Variants in ITSN1 observed in about 807,000 individuals in gnomAD.
ITSN1 encodes the protein intersectin 1, also known as intersectin-1.
ITSN1 carries 58 observed loss-of-function variants against 239.8 expected under a neutral mutation model. The observed-to-expected ratio is 0.24, with a 90% CI of 0.20 to 0.30. ITSN1 has a LOEUF of 0.30. Among genes scored for constraint, ITSN1 ranks in the 10% least tolerant of loss-of-function variants. ITSN1 has a pLI of 1.00. For synonymous variants in ITSN1, 780 were observed against 770.8 expected, an observed-to-expected ratio of 1.01 and a Z score of -0.20; for missense variants, 1,558 against 2,103.3, an observed-to-expected ratio of 0.74 and a Z score of 5.07.
At chr21:33,886,210 TAAAAAAA>T (rs559819556) in intron 38 of ITSN1, 70 bp from the exon 39 acceptor site, 3 of 1,001,264 alleles carry the variant, frequency 3.0e-6, no homozygotes, top group African/African-American at 1.9e-5. Flanking sequence ...AGAATCCATC[TAAAAAAA>T]AAAAAAAAAA....
intron 29 of ITSN1, among the ~76,000 whole-genome samples, chr21:33,851,403 T>G (rs1978310033): frequency 6.6e-6 from 1 of 152,064 alleles, no homozygotes; most frequent in South Asian, 2.1e-4. Context: ...TTTTCTTTTT[T>G]TTCTTTTTTT....
chr21:33,885,088 A>G lies in ITSN1; in HGVS notation c.4724A>G (p.Glu1575Gly). The change falls in exon 37 of 40, where the codon GAG becomes GGG. Residue 1575 changes from glutamate to glycine, a missense_variant. By Grantham distance (98) the Glu-to-Gly change is moderately conservative. This residue lies in a region of ITSN1 where 576 missense variants were observed against 893.3 expected (regional missense o/e 0.64). Coordinates refer to ENST00000381318, the MANE Select transcript of ITSN1 (RefSeq NM_003024.3). ...KIKAASELYI[E>G]TEKKKREKAY... ...AAAGCTGCTTCTGAACTCTACATAG[A>G]GACTGAGAAAAAGAAGCGCGAGAAA... 1 of 1,614,162 alleles carries G rather than the reference A, an allele frequency of 6.2e-7. No individual in the cohort carries two copies. The highest frequency in any genetic ancestry group is 8.5e-7 in the Non-Finnish European group (1 of 1,180,010).
At chr21:33,825,320 C>A (rs1184244269) in intron 25 of ITSN1, among the ~76,000 whole-genome samples, 1 of 151,664 alleles carries the variant, frequency 6.6e-6, no homozygotes, top group Admixed American at 6.6e-5. Flanking sequence ...CTATACTATT[C>A]AATAATAATG....
At chr21:33,846,631 C>T (rs1188725420) in intron 29 of ITSN1, among the ~76,000 whole-genome samples, 3 of 152,240 alleles carry the variant, frequency 2.0e-5, no homozygotes, top group Non-Finnish European at 4.4e-5. Flanking sequence ...TTGCCAGTTG[C>T]TCAGGAAGTG....
chr21:33,809,088 A>G (rs2072701308), intron 20 of ITSN1, among the ~76,000 whole-genome samples: 1 of 152,232 alleles, frequency 6.6e-6, no homozygotes, highest in Admixed American at 6.5e-5. Flanking sequence ...AATGGGGGAA[A>G]ATTTATCTTA....
intron 10 of ITSN1, among the ~76,000 whole-genome samples, 200 bp from the exon 11 acceptor site, chr21:33,767,513 A>G (rs549141175): frequency 6.6e-6 from 1 of 152,176 alleles, no homozygotes; most frequent in Admixed American, 6.5e-5. Flanking sequence ...TAAGCTTGGC[A>G]CTCAGAGTCT....
intron 20 of ITSN1, among the ~76,000 whole-genome samples, chr21:33,803,617 GAAATATATATATC>G (rs1569212510): frequency 6.6e-6 from 1 of 152,162 alleles, no homozygotes; most frequent in Non-Finnish European, 1.5e-5. Flanking sequence ...TAACAGTTTT[GAAATATATATATC>G]AAACTGTTAA....
At chr21:33,676,645 A>G (rs1051143131) in intron 1 of ITSN1, among the ~76,000 whole-genome samples, 1 of 152,244 alleles carries the variant, frequency 6.6e-6, no homozygotes, top group African/African-American at 2.4e-5. Context: ...ACATTTTTAA[A>G]TATTGAATTA....
intron 16 of ITSN1, among the ~76,000 whole-genome samples, chr21:33,783,250 A>G (rs2070352553): frequency 1.3e-5 from 2 of 152,186 alleles, no homozygotes; most frequent in Admixed American, 1.3e-4. Context: ...TAAAACTCCT[A>G]TTCTATAATT....
At chr21:33,869,100 A>G (rs1425555972) in intron 33 of ITSN1, among the ~76,000 whole-genome samples, 1 of 152,224 alleles carries the variant, frequency 6.6e-6, no homozygotes, top group Non-Finnish European at 1.5e-5. Context: ...GAAAAGAGAA[A>G]GAAACGTAAT....
intron 11 of ITSN1, among the ~76,000 whole-genome samples, chr21:33,771,814 T>G (rs1026235803): frequency 2.6e-5 from 4 of 152,156 alleles, no homozygotes; most frequent in African/African-American, 9.7e-5. Context: ...GAAAGGAGTC[T>G]GGATGGTGAT....
At chr21:33,814,307 T>C (rs2073120178) in intron 22 of ITSN1, 1 of 497,620 alleles carries the variant, frequency 2.0e-6, no homozygotes, top group Admixed American at 3.3e-5. Flanking sequence ...GGAAGCTTCA[T>C]TGCAGAAGTG....
chr21:33,884,639 C>A (rs1377120414), intron 36 of ITSN1, among the ~76,000 whole-genome samples: 1 of 152,200 alleles, frequency 6.6e-6, no homozygotes, highest in Non-Finnish European at 1.5e-5. Flanking sequence ...TGAAGTGGTT[C>A]CCAATCTGGG....
At chr21:33,861,210 T>G (rs1404333183) in intron 31 of ITSN1, among the ~76,000 whole-genome samples, 1 of 152,180 alleles carries the variant, frequency 6.6e-6, no homozygotes, top group Non-Finnish European at 1.5e-5. Context: ...TGTGCTGTAT[T>G]TGGGTGGCTG....
intron 1 of ITSN1, among the ~76,000 whole-genome samples, chr21:33,687,769 A>G (rs966987699): frequency 6.6e-6 from 1 of 152,242 alleles, no homozygotes; most frequent in Non-Finnish European, 1.5e-5. Context: ...TTCATTGACA[A>G]TCACTTTGCT....
intron 1 of ITSN1, among the ~76,000 whole-genome samples, chr21:33,686,754 A>G (rs745802880): frequency 1.3e-5 from 2 of 152,232 alleles, no homozygotes; most frequent in Non-Finnish European, 2.9e-5. Flanking sequence ...GCCATCTAAT[A>G]AAGTCAAAAT....
chr21:33,883,782 C>T (rs1409437148), intron 36 of ITSN1, 111 bp downstream of exon 36: 2 of 1,320,416 alleles, frequency 1.5e-6, no homozygotes, highest in Non-Finnish European at 2.1e-6. Flanking sequence ...AATGCCATCA[C>T]CCCTAGCTGG....
rs757758811 is a variant in ITSN1 at position 33,750,349 on chromosome 21, TGA to T, written c.526+29_526+30del. 27 of 1,602,078 alleles carry T rather than the reference TGA, an allele frequency of 1.7e-5. No homozygotes were observed. In the African/African-American group the frequency reaches 2.9e-4, roughly 17 times the overall value. ...TATGTGACTTGCTGAAACCATAGGCTGAGTTTTTACTACTTGTATTTTGCTGT... is the reference window on the plus strand; with the variant it reads ...TATGTGACTTGCTGAAACCATAGGCTGTTTTTACTACTTGTATTTTGCTGT... On this transcript the variant is annotated intron_variant, in intron 6 of 39. Coordinates refer to ENST00000381318, the MANE Select transcript of ITSN1 (RefSeq NM_003024.3).
Position 33,844,695 on chromosome 21 carries a change from G to A in ITSN1, c.3661+8063G>A, listed in dbSNP as rs138482695. On this transcript the variant is annotated intron_variant, in intron 29 of 39. Transcript: ENST00000381318. ...CCTGCAGTTCCACTCTGTTTGTTAG[G>A]CCCCCCAGGAGAGCGAGCCTGCAGT... Among the ~76,000 whole-genome samples the A allele has an allele frequency of 6.3e-3, 962 of 151,998 alleles. 9 individuals are homozygous for A. Among genetic ancestry groups the A allele is most frequent in the Non-Finnish European group, 8.0e-3 (545 of 67,966 alleles).
Sources: allele counts gnomAD v4.1 joint callset (sites outside exome capture counted in the v4.1 genomes callset), GRCh38; gene constraint gnomAD v4.1.1; regional missense constraint gnomAD v4.1.1; transcripts MANE v1.5; gene names NCBI Gene and HGNC (gene_info 2026-07-23, HGNC 2026-07-21).